Variants in FNDC3A observed in about 807,000 individuals in gnomAD.
FNDC3A encodes fibronectin type-III domain-containing protein 3A.
FNDC3A carries 32 observed loss-of-function variants against 148.9 expected under a neutral mutation model. The observed-to-expected ratio is 0.21, with a 90% CI of 0.16 to 0.29. FNDC3A has a LOEUF of 0.29. Among genes scored for constraint, FNDC3A ranks in the 10% least tolerant of loss-of-function variants. The pLI is 1.00. For synonymous variants in FNDC3A, 472 were observed against 473.6 expected (o/e 1.00, Z 0.04); for missense variants, 1,191 against 1,452.8 (o/e 0.82, Z 2.93).
chr13:49,152,666 C>T (rs1883384105), intron 8 of FNDC3A, among the ~76,000 whole-genome samples: 1 of 149,998 alleles, frequency 6.7e-6, no homozygotes, highest in South Asian at 2.1e-4. Flanking sequence ...TACCCCTCCC[C>T]CCTACCCCCA....
At chr13:49,188,709 C>A in intron 17 of FNDC3A, 76 bp downstream of exon 17, 2 of 879,206 alleles carry the variant, frequency 2.3e-6, no homozygotes, top group Non-Finnish European at 3.8e-6. Flanking sequence ...GGTGCCACTT[C>A]AAATATTGAA....
intron 2 of FNDC3A, among the ~76,000 whole-genome samples, chr13:49,025,984 A>G (rs1488559194): frequency 1.3e-5 from 2 of 152,254 alleles, no homozygotes; most frequent in East Asian, 3.8e-4. Flanking sequence ...TATTCTCTGC[A>G]TTTTGTAATA....
chr13:49,148,368 C>G (rs528295145), intron 8 of FNDC3A, among the ~76,000 whole-genome samples: 2 of 151,778 alleles, frequency 1.3e-5, no homozygotes, highest in African/African-American at 4.9e-5. Flanking sequence ...AGTCTGTAAG[C>G]CTTCTTGTGT....
At chr13:49,160,591 T>C (rs1884038604) in intron 8 of FNDC3A, among the ~76,000 whole-genome samples, 1 of 152,084 alleles carries the variant, frequency 6.6e-6, no homozygotes, top group Non-Finnish European at 1.5e-5. Flanking sequence ...ATTAATTTTT[T>C]GAAGGGTTTT....
intron 2 of FNDC3A, among the ~76,000 whole-genome samples, chr13:49,039,651 C>T (rs991731691): frequency 5.3e-5 from 8 of 152,082 alleles, no homozygotes; most frequent in Middle Eastern, 3.2e-3. Context: ...AACATATATA[C>T]TGGGCATATT....
chr13:49,189,531 C>T (rs1885771569), intron 17 of FNDC3A, among the ~76,000 whole-genome samples: 1 of 151,566 alleles, frequency 6.6e-6, no homozygotes, highest in Non-Finnish European at 1.5e-5. Context: ...TTTCTTGGAT[C>T]ATTCATAATT....
Position 49,145,907 on chromosome 13 carries a change from A to G in FNDC3A, c.949A>G (p.Lys317Glu). The change falls in exon 8 of 26, where the codon AAA (lysine) becomes GAA (glutamate). Residue 317 changes from lysine (K) to glutamate (E), a missense_variant. This residue lies in a region of FNDC3A where 426 missense variants were observed against 473.2 expected (regional missense o/e 0.90). Coordinates refer to ENST00000492622, the MANE Select transcript of FNDC3A (RefSeq NM_001079673.2). ...TGAAGTTCTGATCTCAAGTACTGGAAAAGATGGGAAATACAAAAGTGTATA... is the reference window on the plus strand; with the variant it reads ...TGAAGTTCTGATCTCAAGTACTGGAGAAGATGGGAAATACAAAAGTGTATA... ...GYEVLISSTG[K>E]DGKYKSVYVG... The G allele has an allele frequency of 6.2e-7, 1 of 1,612,820 alleles. No individual in the cohort carries two copies. Among genetic ancestry groups the G allele is most frequent in the Non-Finnish European group, 8.5e-7 (1 of 1,179,344 alleles).
At chr13:49,138,031 A>C (rs990015961) in intron 6 of FNDC3A, among the ~76,000 whole-genome samples, 3 of 152,220 alleles carry the variant, frequency 2.0e-5, no homozygotes, top group African/African-American at 7.2e-5. Context: ...TTTACTATCA[A>C]ATAGTGTAGG....
intron 23 of FNDC3A, among the ~76,000 whole-genome samples, chr13:49,199,083 C>G (rs1886297508): frequency 6.6e-6 from 1 of 152,040 alleles, no homozygotes; most frequent in Non-Finnish European, 1.5e-5. Context: ...TCCAGTGGCA[C>G]TATCTTGGCT....
intron 2 of FNDC3A, among the ~76,000 whole-genome samples, chr13:49,036,371 A>G (rs533060439): frequency 6.6e-6 from 1 of 152,352 alleles, no homozygotes; most frequent in Non-Finnish European, 1.5e-5. Flanking sequence ...AGTGCTCAAT[A>G]GCCACATACA....
intron 3 of FNDC3A, among the ~76,000 whole-genome samples, chr13:49,078,282 T>C (rs1878248245): frequency 6.6e-6 from 1 of 152,208 alleles, no homozygotes. Flanking sequence ...TGATTTTATA[T>C]GCGGCAGTGA....
intron 4 of FNDC3A, among the ~76,000 whole-genome samples, chr13:49,118,402 T>C (rs1881106513): frequency 6.6e-6 from 1 of 152,116 alleles, no homozygotes; most frequent in South Asian, 2.1e-4. Flanking sequence ...ACCAGGGCCC[T>C]GGGATTCAAG....
chr13:49,131,435 A>G lies in FNDC3A; in HGVS notation c.490+61A>G, dbSNP rs537141481. On this transcript the variant is annotated intron_variant, in intron 5 of 25. Transcript: ENST00000492622. Reference sequence around the variant, plus strand: ...TGGATATTCTTCGCTTGGATATAATAGATGCCATTATCATATCACATTAAA... The same window carrying G: ...TGGATATTCTTCGCTTGGATATAATGGATGCCATTATCATATCACATTAAA... The G allele has an allele frequency of 1.0e-5, 12 of 1,165,472 alleles. 1 individual carries two copies. The South Asian group carries it at 1.5e-4, about 14-fold the overall frequency. 72.2% of individuals were successfully genotyped at this position (1,165,472 alleles called of 1,614,324 possible).
chr13:49,062,307 G>GT (rs1282868431), intron 2 of FNDC3A, among the ~76,000 whole-genome samples: 7 of 152,234 alleles, frequency 4.6e-5, no homozygotes, highest in African/African-American at 1.7e-4. Context: ...TTTTCTATAG[G>GT]TTTAAAATTT....
chr13:49,075,423 T>G, intron 3 of FNDC3A, 59 bp downstream of exon 3: 2 of 948,414 alleles, frequency 2.1e-6, no homozygotes, highest in Admixed American at 3.7e-5. Flanking sequence ...AAATTTATGA[T>G]ACATAATAGT....
intron 10 of FNDC3A, among the ~76,000 whole-genome samples, chr13:49,171,606 G>A (rs887647061): frequency 1.3e-5 from 2 of 152,142 alleles, no homozygotes; most frequent in African/African-American, 2.4e-5. Context: ...CAAGGACCAA[G>A]ACACTGCCCT....
At chr13:49,004,142 T>C (rs980011427) in intron 1 of FNDC3A, among the ~76,000 whole-genome samples, 3 of 152,138 alleles carry the variant, frequency 2.0e-5, no homozygotes, top group African/African-American at 7.2e-5. Context: ...TAACTAAAAC[T>C]AAGAGGGTAT....
At position 49,043,245 on chromosome 13, in the gene FNDC3A, G is replaced by A. The variant is rs188081991; in HGVS notation, c.100-32044G>A. On this transcript the variant is annotated intron_variant, in intron 2 of 25. Transcript: ENST00000492622. ...CTCCCAAAGTGTTGGAATTACAGGC[G>A]TGAGCCACTGGACCCATCCTGCAAA... is the stretch of plus-strand genomic sequence containing the variant. Among the ~76,000 whole-genome samples, 977 of 152,040 alleles carry A rather than the reference G, an allele frequency of 6.4e-3. 2 individuals carry two copies. The highest frequency in any genetic ancestry group is 0.014 in the Middle Eastern group (4 of 294).
intron 7 of FNDC3A, among the ~76,000 whole-genome samples, chr13:49,139,243 G>A (rs1313386957): frequency 6.6e-6 from 1 of 152,132 alleles, no homozygotes; most frequent in Non-Finnish European, 1.5e-5. Context: ...ACAGGTGTAA[G>A]TAAGCATGGG....
Sources: allele counts gnomAD v4.1 joint callset (sites outside exome capture counted in the v4.1 genomes callset), GRCh38; gene constraint gnomAD v4.1.1; regional missense constraint gnomAD v4.1.1; transcripts MANE v1.5; gene names NCBI Gene and HGNC (gene_info 2026-07-23, HGNC 2026-07-21).